The following HEMK2 variants were observed in gnomAD, a reference collection of about 807,000 sequenced individuals.
The protein encoded by HEMK2 is methyltransferase HEMK2.
chr21:28,836,376 C>G, the HEMK2 span, among the ~76,000 whole-genome samples: 1 of 152,022 alleles, frequency 6.6e-6, no homozygotes, highest in South Asian at 2.1e-4. Flanking sequence ...AATTCTGTAT[C>G]CAGAAAAACT....
the HEMK2 span, among the ~76,000 whole-genome samples, chr21:28,798,850 G>A: frequency 4.6e-5 from 7 of 152,204 alleles, no homozygotes; most frequent in Non-Finnish European, 4.4e-5. Flanking sequence ...CTTAAAGCTA[G>A]AGATGTGTGC....
chr21:28,814,105 T>C, the HEMK2 span, among the ~76,000 whole-genome samples: 2 of 151,902 alleles, frequency 1.3e-5, no homozygotes, highest in African/African-American at 4.8e-5. Context: ...GGCATGGTGG[T>C]GCACGCCTGT....
chr21:28,740,033 T>G, the HEMK2 span, among the ~76,000 whole-genome samples: 1 of 152,198 alleles, frequency 6.6e-6, no homozygotes, highest in Admixed American at 6.5e-5. Context: ...TCCCAACACC[T>G]TGTGTAAATT....
At chr21:28,744,710 C>T in the HEMK2 span, among the ~76,000 whole-genome samples, 1 of 152,192 alleles carries the variant, frequency 6.6e-6, no homozygotes, top group African/African-American at 2.4e-5. Flanking sequence ...TTGATAATCA[C>T]CTTTTCAAAC....
chr21:28,701,559 TACAC>T, the HEMK2 span, among the ~76,000 whole-genome samples: 945 of 45,742 alleles, frequency 0.021, 9 homozygotes, highest in African/African-American at 0.1. Flanking sequence ...CACACACACA[TACAC>T]ACACACACAC....
At chr21:28,801,719 T>C in the HEMK2 span, among the ~76,000 whole-genome samples, 2 of 152,194 alleles carry the variant, frequency 1.3e-5, no homozygotes, top group Non-Finnish European at 2.9e-5. Flanking sequence ...GGTTAAATCA[T>C]ATGAAACTAA....
At chr21:28,679,091 C>T in the HEMK2 span, among the ~76,000 whole-genome samples, 1 of 152,180 alleles carries the variant, frequency 6.6e-6, no homozygotes, top group African/African-American at 2.4e-5. Context: ...TTAAAAGACA[C>T]AGACTGGCAA....
the HEMK2 span, among the ~76,000 whole-genome samples, chr21:28,798,677 AT>A: frequency 6.6e-6 from 1 of 152,130 alleles, no homozygotes; most frequent in East Asian, 1.9e-4. Flanking sequence ...AGAGCTGTCA[AT>A]TAATAGAGAT....
chr21:28,785,634 C>T, the HEMK2 span, among the ~76,000 whole-genome samples: 1 of 152,214 alleles, frequency 6.6e-6, no homozygotes, highest in East Asian at 1.9e-4. Context: ...CATTCTTACA[C>T]CTCAGTCATC....
the HEMK2 span, among the ~76,000 whole-genome samples, chr21:28,587,268 C>G: frequency 4.0e-5 from 6 of 151,644 alleles, no homozygotes; most frequent in Admixed American, 1.3e-4. Context: ...CTTGATGTTT[C>G]CCTTGGAAGA....
chr21:28,838,385 T>C, the HEMK2 span, among the ~76,000 whole-genome samples: 1 of 150,136 alleles, frequency 6.7e-6, no homozygotes, highest in East Asian at 1.9e-4. Flanking sequence ...ATACAAAAAA[T>C]TAGCCGGGCA....
chr21:28,876,559 T>C, the HEMK2 span: 1 of 924,806 alleles, frequency 1.1e-6, no homozygotes, highest in Non-Finnish European at 1.6e-6. Flanking sequence ...ATAAGCAATT[T>C]AATAAGTTAA....
chr21:28,777,050 T>C, the HEMK2 span, among the ~76,000 whole-genome samples: 1 of 152,340 alleles, frequency 6.6e-6, no homozygotes, highest in Middle Eastern at 3.4e-3. Flanking sequence ...GGTTATTCTA[T>C]GTATTATTGA....
the HEMK2 span, chr21:28,872,252 A>G: frequency 1.3e-5 from 2 of 152,242 alleles, no homozygotes; most frequent in African/African-American, 4.8e-5. Flanking sequence ...GGGGTCCTTC[A>G]TGCAGGTTTT....
At chr21:28,605,172 A>C in the HEMK2 span, among the ~76,000 whole-genome samples, 47 of 152,248 alleles carry the variant, frequency 3.1e-4, no homozygotes, top group Non-Finnish European at 6.2e-4. Context: ...TTTGGGAACC[A>C]GAAGCTTTGC....
the HEMK2 span, among the ~76,000 whole-genome samples, chr21:28,726,655 C>T: frequency 6.6e-6 from 1 of 152,130 alleles, no homozygotes; most frequent in African/African-American, 2.4e-5. Flanking sequence ...TGCCCGTAAT[C>T]CCAGCACTTT....
the HEMK2 span, among the ~76,000 whole-genome samples, chr21:28,651,364 T>A: frequency 1.3e-5 from 2 of 152,292 alleles, no homozygotes; most frequent in East Asian, 3.9e-4. Flanking sequence ...GAAGAAAAAC[T>A]ATAAAAAATA....
chr21:28,670,333 T>C, the HEMK2 span, among the ~76,000 whole-genome samples: 1 of 152,244 alleles, frequency 6.6e-6, no homozygotes, highest in African/African-American at 2.4e-5. Flanking sequence ...AGTTTTATTT[T>C]GTAAAAATGA....
the HEMK2 span, among the ~76,000 whole-genome samples, chr21:28,668,589 A>T: frequency 6.6e-6 from 1 of 152,218 alleles, no homozygotes; most frequent in African/African-American, 2.4e-5. Context: ...AATAAATCAC[A>T]TGACCAGGTC....
Sources: gnomAD v4.1 joint callset for allele counts (sites outside exome capture counted in the v4.1 genomes callset) on GRCh38, gnomAD v4.1.1 for gene constraint, MANE v1.5 for transcripts, NCBI Gene and HGNC (gene_info 2026-07-23, HGNC 2026-07-21) for gene names.